The following TLE1 variants were observed in gnomAD, a reference collection of about 807,000 sequenced individuals.
The protein encoded by TLE1 is TLE family member 1, transcriptional corepressor.
In TLE1, 21 loss-of-function variants were observed where a neutral mutation model predicts 89.8. That is an observed-to-expected ratio of 0.23 (90% CI 0.17 to 0.34). The LOEUF (loss-of-function observed/expected upper bound fraction) is 0.34. Ranked by LOEUF, TLE1 falls within the 10% of genes least tolerant of loss-of-function variation. The pLI is 1.00. For missense variants in TLE1, 795 were observed against 1,031.2 expected (o/e 0.77, Z 3.14); for synonymous variants, 447 against 407.6 (o/e 1.10, Z -1.16).
intron 4 of TLE1, among the ~76,000 whole-genome samples, chr9:81,658,543 TTTTGAGCCAGAAA>T (rs1830411586): frequency 6.6e-6 from 1 of 152,182 alleles, no homozygotes; most frequent in Non-Finnish European, 1.5e-5. Context: ...CCAGCTTGAC[TTTTGAGCCAGAAA>T]ATCTAAATCC....
At chr9:81,604,679 T>C (rs1226203365) in intron 14 of TLE1, among the ~76,000 whole-genome samples, 7 of 152,114 alleles carry the variant, frequency 4.6e-5, no homozygotes, top group Admixed American at 1.3e-4. Context: ...ACTTGAACCA[T>C]GGATGAGCAT....
At chr9:81,687,541 A>G in intron 1 of TLE1, 107 bp from the exon 2 acceptor site, 1 of 822,118 alleles carries the variant, frequency 1.2e-6, no homozygotes, top group South Asian at 1.7e-5. Flanking sequence ...TAAAGTTAGA[A>G]GTGGCTGAAA....
At chr9:81,612,206 G>A (rs1563967370) in intron 12 of TLE1, 1 of 797,542 alleles carries the variant, frequency 1.3e-6, no homozygotes, top group Non-Finnish European at 1.7e-6. Flanking sequence ...TTGTGTAAAT[G>A]GCAGCACCAG....
intron 5 of TLE1, among the ~76,000 whole-genome samples, chr9:81,653,259 A>G (rs947250605): frequency 6.6e-6 from 1 of 152,214 alleles, no homozygotes; most frequent in African/African-American, 2.4e-5. Flanking sequence ...CTCCTAGTCC[A>G]ATAAACTTTC....
intron 14 of TLE1, among the ~76,000 whole-genome samples, chr9:81,601,040 CA>C (rs1465235751): frequency 6.6e-6 from 1 of 152,176 alleles, no homozygotes; most frequent in East Asian, 1.9e-4. Context: ...CCAATCCCTC[CA>C]AATAACTCCT....
chr9:81,686,717 A>C (rs1245516498), intron 2 of TLE1, among the ~76,000 whole-genome samples: 2 of 152,226 alleles, frequency 1.3e-5, no homozygotes, highest in Non-Finnish European at 2.9e-5. Context: ...AGTCCTTTGA[A>C]GGTAAGTCTC....
chr9:81,652,425 T>G, intron 5 of TLE1, 137 bp from the exon 6 acceptor site: 1 of 638,408 alleles, frequency 1.6e-6, no homozygotes, highest in Non-Finnish European at 2.7e-6. Context: ...TCAACCACAC[T>G]TTATTTTCAC....
intron 6 of TLE1, among the ~76,000 whole-genome samples, chr9:81,647,743 G>T (rs1050703268): frequency 6.6e-6 from 1 of 152,122 alleles, no homozygotes. Context: ...GACTATATGA[G>T]GTCATAAAGC....
rs77564524 is a variant in TLE1, at chr9:81,584,645, C to T, written c.2129-121G>A. ...TATATGAACTATCATGCCCTAAGGA[C>T]TGGTCCATGATATGAACAGAGGTTT... On this transcript the variant is annotated intron_variant, in intron 18 of 19. Coordinates refer to ENST00000376499, the MANE Select transcript of TLE1 (RefSeq NM_005077.5). 7.2e-4 allele frequency: 616 copies of T among 854,968 alleles called. 5 individuals carry two copies. In the African/African-American group the frequency reaches 9.3e-3, roughly 13 times the overall value. 53.0% of individuals were successfully genotyped at this position (854,968 alleles called of 1,614,324 possible).
chr9:81,673,272 T>A (rs1370160498), intron 4 of TLE1, among the ~76,000 whole-genome samples: 12 of 98,000 alleles, frequency 1.2e-4, no homozygotes, highest in Non-Finnish European at 1.9e-4. Context: ...AGACTTCATT[T>A]AAAAAAAAAA....
intron 8 of TLE1, among the ~76,000 whole-genome samples, chr9:81,625,200 G>C (rs754190392): frequency 6.6e-6 from 1 of 152,178 alleles, no homozygotes; most frequent in Non-Finnish European, 1.5e-5. Context: ...CTGGAATTCT[G>C]TGAGAACACC....
At position 81,660,978 on chromosome 9, in the gene TLE1, C is replaced by CACAAA. The variant is rs140689682; in HGVS notation, c.235-6943_235-6942insTTTGT. ...ACACACACACACACACACACACACA[C>CACAAA]ATTTAGCCTGGCGTGGTGGCACGTG... On this transcript the variant is annotated intron_variant, in intron 4 of 19. Transcript: ENST00000376499. 2.7e-4 allele frequency among the ~76,000 whole-genome samples: 33 copies of CACAAA among 121,830 alleles called. No individual in the cohort carries two copies. In the East Asian group the frequency reaches 7.9e-3, roughly 29 times the overall value. 79.9% of individuals were successfully genotyped at this position (121,830 alleles called of 152,430 possible).
intron 4 of TLE1, among the ~76,000 whole-genome samples, chr9:81,680,338 A>AG (rs1833454171): frequency 6.6e-6 from 1 of 152,220 alleles, no homozygotes; most frequent in Admixed American, 6.5e-5. Context: ...GGGGGAGGCA[A>AG]GGGAGGTGCT....
chr9:81,613,454 G>C lies in TLE1; in HGVS notation c.986C>G (p.Pro329Arg). The C allele has an allele frequency of 6.2e-7, 1 of 1,614,206 alleles. No individual in the cohort carries two copies. The highest frequency in any genetic ancestry group is 8.5e-7 in the Non-Finnish European group (1 of 1,180,032). ...TPTPRSDMPT[P>R]GTSATPGLRP... ...GAGGCCTGGAGTGGCGCTGGTGCCC[G>C]GCGTTGGCATGTCGCTCCGAGGCGT... Residue 329 changes from proline (P) to arginine (R), a missense_variant, in exon 12 of 20, where the codon CCG becomes CGG. Coordinates refer to ENST00000376499, the MANE Select transcript of TLE1 (RefSeq NM_005077.5).
intron 6 of TLE1, among the ~76,000 whole-genome samples, chr9:81,649,006 GACT>G (rs1396585684): frequency 1.3e-5 from 2 of 152,022 alleles, no homozygotes; most frequent in Admixed American, 6.6e-5. Context: ...ATTGTGACAA[GACT>G]ACAATACATT....
At chr9:81,673,130 G>A (rs552012823) in intron 4 of TLE1, among the ~76,000 whole-genome samples, 1 of 152,160 alleles carries the variant, frequency 6.6e-6, no homozygotes, top group Non-Finnish European at 1.5e-5. Context: ...AAAATCAGCT[G>A]GGCATGGTGG....
At chr9:81,590,207 TGAG>T (rs1829280001) in intron 16 of TLE1, among the ~76,000 whole-genome samples, 1 of 152,172 alleles carries the variant, frequency 6.6e-6, no homozygotes, top group Non-Finnish European at 1.5e-5. Flanking sequence ...GCGGGGGAGC[TGAG>T]GAGAGACACA....
chr9:81,608,310 C>T (rs905198606), intron 14 of TLE1, among the ~76,000 whole-genome samples: 3 of 152,092 alleles, frequency 2.0e-5, no homozygotes, highest in Non-Finnish European at 2.9e-5. Flanking sequence ...AGTGCCCCAA[C>T]GACCAGCCTG....
At chr9:81,614,465 C>G (rs982252487) in intron 11 of TLE1, among the ~76,000 whole-genome samples, 1 of 152,120 alleles carries the variant, frequency 6.6e-6, no homozygotes, top group Non-Finnish European at 1.5e-5. Context: ...TACAGGGCAC[C>G]TTCTCTGGCC....
Sources: allele counts gnomAD v4.1 joint callset (sites outside exome capture counted in the v4.1 genomes callset), GRCh38; gene constraint gnomAD v4.1.1; transcripts MANE v1.5; gene names NCBI Gene and HGNC (gene_info 2026-07-23, HGNC 2026-07-21).